Variants in PDXDC1 observed in about 807,000 individuals in gnomAD.
The protein encoded by PDXDC1 is pyridoxal-dependent decarboxylase domain-containing protein 1.
Under a neutral mutation model 100.1 loss-of-function variants are expected in PDXDC1, and 42 were observed. That is an observed-to-expected ratio of 0.42 (90% CI 0.33 to 0.54). The LOEUF is 0.54. PDXDC1 is among the 20% of genes least tolerant of loss of function. The probability of loss-of-function intolerance (pLI) is 0.10; values close to 1 mark genes in which losing one functional copy is unlikely to be tolerated. For missense variants in PDXDC1, 636 were observed against 979.2 expected (o/e 0.65, Z 4.68); for synonymous variants, 260 against 371.7 (o/e 0.70, Z 3.46).
At chr16:15,126,147 G>A (rs560679902) in intron 16 of PDXDC1, among the ~76,000 whole-genome samples, 23 of 151,866 alleles carry the variant, frequency 1.5e-4, no homozygotes, top group African/African-American at 5.3e-4. Flanking sequence ...CGATTGTCCT[G>A]GCTCAGCCTC....
At chr16:14,977,746 A>G (rs1387586827) in intron 1 of PDXDC1, among the ~76,000 whole-genome samples, 1 of 152,276 alleles carries the variant, frequency 6.6e-6, no homozygotes, top group African/African-American at 2.4e-5. Context: ...AATTGTGTTC[A>G]TTATTCCTGT....
chr16:15,053,473 A>AT (rs1491049151), intron 16 of PDXDC1, among the ~76,000 whole-genome samples: 2 of 75,198 alleles, frequency 2.7e-5, no homozygotes, highest in African/African-American at 7.7e-5. Context: ...GTAAGCTATC[A>AT]TTTTTTTAAA....
At chr16:15,009,360 G>A in intron 7 of PDXDC1, 2 of 455,148 alleles carry the variant, frequency 4.4e-6, no homozygotes, top group Non-Finnish European at 7.4e-6. Flanking sequence ...ACATCAGTGA[G>A]TAATAGTAGA....
chr16:15,020,638 G>A (rs1269741375), intron 12 of PDXDC1, among the ~76,000 whole-genome samples: 12 of 151,674 alleles, frequency 7.9e-5, no homozygotes, highest in African/African-American at 1.5e-4. Context: ...GCAGTGAGCC[G>A]AGATTGCGCC....
At chr16:15,013,733 G>C (rs1194243937) in intron 8 of PDXDC1, among the ~76,000 whole-genome samples, 2 of 152,234 alleles carry the variant, frequency 1.3e-5, no homozygotes, top group African/African-American at 4.8e-5. Context: ...AAATTAGCCA[G>C]GTGTGGTGGT....
Position 15,030,471 on chromosome 16 carries a change from G to T in PDXDC1, c.1399+415G>T, listed in dbSNP as rs541801740. Among the ~76,000 whole-genome samples the T allele has an allele frequency of 4.7e-3, 691 of 147,830 alleles. 5 individuals carry two copies. The highest frequency in any genetic ancestry group is 0.012 in the Admixed American group (182 of 14,782). On this transcript the variant is annotated intron_variant, in intron 16 of 22. Coordinates refer to ENST00000396410, the MANE Select transcript of PDXDC1 (RefSeq NM_015027.4). ...TGAGGCAGGAGAATCACTTGAACCT[G>T]GGAGGCCGAGGTTGCAGTGAGCTGA...
intron 16 of PDXDC1, chr16:15,132,844 C>T: frequency 6.3e-7 from 1 of 1,582,678 alleles, no homozygotes; most frequent in African/African-American, 1.3e-5. Context: ...CGTGCTTGGG[C>T]TCTGCCGCCA....
At chr16:15,124,709 C>A (rs912097580) in intron 16 of PDXDC1, among the ~76,000 whole-genome samples, 17 of 151,602 alleles carry the variant, frequency 1.1e-4, no homozygotes, top group Admixed American at 1.1e-3. Flanking sequence ...GAGGCAGAGT[C>A]TGCAGTGAGC....
Position 15,076,319 on chromosome 16 carries a change from G to C in PDXDC1, c.1399+46263G>C. The C allele has an allele frequency of 8.4e-6, 5 of 596,270 alleles. No homozygotes were observed. The South Asian group carries it at 8.4e-5, about 10-fold the overall frequency. 36.9% of individuals were successfully genotyped at this position (596,270 alleles called of 1,614,324 possible). A position where few individuals can be genotyped will look rare whatever the true frequency, so the allele number is the denominator to read the frequency against. Reference sequence around the variant, plus strand: ...TGGCTTACAAAAACAAACACTGAAAGTTACAAGAACAAAAGTGAAACATAC... The same window carrying C: ...TGGCTTACAAAAACAAACACTGAAACTTACAAGAACAAAAGTGAAACATAC... On this transcript the variant is annotated intron_variant, in intron 16 of 16. Transcript: ENST00000535621.
At chr16:15,054,174 C>T (rs2044407178) in intron 16 of PDXDC1, among the ~76,000 whole-genome samples, 1 of 152,326 alleles carries the variant, frequency 6.6e-6, no homozygotes, top group East Asian at 1.9e-4. Context: ...CCTCACCCTT[C>T]TTCTCCTTTT....
At chr16:15,078,940 T>C (rs921942581) in intron 16 of PDXDC1, among the ~76,000 whole-genome samples, 5 of 151,560 alleles carry the variant, frequency 3.3e-5, no homozygotes, top group African/African-American at 7.3e-5. Flanking sequence ...GCCTCCCGAG[T>C]AGCTGGGACT....
At position 15,110,735 on chromosome 16, in the gene PDXDC1, G is replaced by A. The variant is rs1453057937; in HGVS notation, c.1400-28144G>A. On this transcript the variant is annotated intron_variant, in intron 16 of 16. Transcript: ENST00000535621. ...ACAGAACCATACCTTCCTGTCTACGGCGGTTGGACCTCCTGGCTCTCTGCT... is the reference window on the plus strand; with the variant it reads ...ACAGAACCATACCTTCCTGTCTACGACGGTTGGACCTCCTGGCTCTCTGCT... The A allele has an allele frequency of 5.7e-6, 9 of 1,587,372 alleles. No homozygotes were observed. In the Admixed American group the frequency reaches 6.7e-5, roughly 12 times the overall value.
At chr16:15,131,271 C>T (rs1175400596) in intron 16 of PDXDC1, 7 of 1,587,218 alleles carry the variant, frequency 4.4e-6, no homozygotes, top group African/African-American at 1.3e-5. Flanking sequence ...GCTCTGAGGC[C>T]AGCCGCTCGA....
At chr16:15,100,989 T>G (rs1032334827) in intron 16 of PDXDC1, among the ~76,000 whole-genome samples, 5 of 152,124 alleles carry the variant, frequency 3.3e-5, no homozygotes, top group Non-Finnish European at 7.4e-5. Context: ...AGTTAATTAA[T>G]TAATGGAAGA....
downstream of PDXDC1, chr16:15,038,518 A>AGAT (rs1172318855): frequency 2.0e-6 from 2 of 1,004,994 alleles, no homozygotes; most frequent in East Asian, 4.8e-5. Context: ...TTTTTCTTAC[A>AGAT]GATGGGGAAA....
chr16:15,077,822 G>C (rs1432563776), intron 16 of PDXDC1, among the ~76,000 whole-genome samples: 3 of 152,148 alleles, frequency 2.0e-5, no homozygotes, highest in African/African-American at 7.2e-5. Flanking sequence ...GCCTGGGCAA[G>C]AAGCGAGACA....
intron 1 of PDXDC1, among the ~76,000 whole-genome samples, chr16:14,980,468 C>T (rs150493619): frequency 3.3e-3 from 498 of 152,214 alleles, no homozygotes; most frequent in African/African-American, 0.011. Context: ...GTGCCACGCC[C>T]GGCTAATTTT....
intron 13 of PDXDC1, among the ~76,000 whole-genome samples, chr16:15,023,518 G>A (rs1196055708): frequency 7.9e-5 from 12 of 152,288 alleles, no homozygotes; most frequent in African/African-American, 2.2e-4. Context: ...AAGTAGCCGC[G>A]CATGGTGGCA....
intron 16 of PDXDC1, chr16:15,048,197 C>A: frequency 1.3e-6 from 1 of 761,962 alleles, no homozygotes; most frequent in Non-Finnish European, 2.2e-6. Flanking sequence ...GCGTGGGCAG[C>A]ACGCTAGTGT....
Sources: gnomAD v4.1 joint callset for allele counts (sites outside exome capture counted in the v4.1 genomes callset) on GRCh38, gnomAD v4.1.1 for gene constraint, MANE v1.5 for transcripts, NCBI Gene and HGNC (gene_info 2026-07-23, HGNC 2026-07-21) for gene names.